FSTL5: variants seen among roughly 807,000 people sequenced by gnomAD.
FSTL5 encodes follistatin like 5, also known as follistatin-related protein 5.
In FSTL5, 62 loss-of-function variants were observed where a neutral mutation model predicts 89.1. The observed-to-expected ratio is 0.70, with a 90% confidence interval of 0.57 to 0.86. The LOEUF is 0.86. Ranked by LOEUF, FSTL5 falls within the 40% of genes least tolerant of loss-of-function variation. The pLI is 0.00. For missense variants in FSTL5, 1,057 were observed against 1,001.6 expected (o/e 1.06, Z -0.75); for synonymous variants, 383 against 346.2 (o/e 1.11, Z -1.18).
chr4:162,106,784 A>G (rs954251314), intron 2 of FSTL5, among the ~76,000 whole-genome samples: 3 of 152,202 alleles, frequency 2.0e-5, no homozygotes, highest in Non-Finnish European at 4.4e-5. Flanking sequence ...CCAAATCTCA[A>G]TGATGTACAA....
chr4:161,718,203 A>G (rs892796704), intron 6 of FSTL5, among the ~76,000 whole-genome samples: 2 of 152,180 alleles, frequency 1.3e-5, no homozygotes, highest in African/African-American at 4.8e-5. Context: ...AGAAATTGGA[A>G]ATGAACTTCA....
In FSTL5 at chr4:161,542,555, A is replaced by C. The variant is rs1199612619; in HGVS notation, c.1154T>G (p.Leu385Arg). The C allele has an allele frequency of 2.6e-6, 4 of 1,513,054 alleles. No homozygotes were observed. The African/African-American group carries it at 5.6e-5, about 21-fold the overall frequency. The allele number at this position is 1,513,054 out of a possible 1,614,324, so 93.7% of individuals were successfully genotyped here. A position where few individuals can be genotyped will look rare whatever the true frequency, so the allele number is the denominator to read the frequency against. The change falls in exon 9 of 16, where the codon CTT (leucine) becomes CGT (arginine). Residue 385 changes from leucine (L) to arginine (R), a missense_variant. By Grantham distance (102) the Leu-to-Arg change is moderately radical. Coordinates refer to ENST00000306100, the MANE Select transcript of FSTL5 (RefSeq NM_020116.5). ...LKNGIDITPK[L>R]SKQLTLQANG... is the part of the protein sequence containing the mutation. ...ACCTTGAAGCGTGAGTTGTTTGGAAAGCTTTGGTGTAATATCAATTCCATT... is the reference window on the plus strand; with the variant it reads ...ACCTTGAAGCGTGAGTTGTTTGGAACGCTTTGGTGTAATATCAATTCCATT...
intron 15 of FSTL5, among the ~76,000 whole-genome samples, chr4:161,411,515 A>T (rs562101801): frequency 2.2e-4 from 33 of 152,366 alleles, no homozygotes; most frequent in Non-Finnish European, 2.5e-4. Flanking sequence ...TATTCCTGGC[A>T]TGCAGGGCTA....
intron 6 of FSTL5, among the ~76,000 whole-genome samples, chr4:161,754,273 G>T (rs1331664916): frequency 6.6e-6 from 1 of 151,916 alleles, no homozygotes; most frequent in African/African-American, 2.4e-5. Context: ...TGCTAGAAAC[G>T]TACCTTCTTT....
intron 15 of FSTL5, among the ~76,000 whole-genome samples, chr4:161,394,905 C>T (rs1200044849): frequency 6.6e-6 from 1 of 152,050 alleles, no homozygotes; most frequent in East Asian, 1.9e-4. Context: ...GCATTTTAGC[C>T]TTTGACTCCT....
intron 13 of FSTL5, among the ~76,000 whole-genome samples, chr4:161,480,193 G>A (rs558229707): frequency 2.0e-5 from 3 of 152,076 alleles, no homozygotes; most frequent in South Asian, 2.1e-4. Context: ...CACATGCCAG[G>A]GTCTACTATA....
chr4:161,693,271 T>C (rs1738015990), intron 6 of FSTL5, among the ~76,000 whole-genome samples: 4 of 152,228 alleles, frequency 2.6e-5, no homozygotes, highest in African/African-American at 9.6e-5. Flanking sequence ...GTCTGTTCTT[T>C]TGATATCTTT....
At chr4:161,707,925 A>G (rs1219374255) in intron 6 of FSTL5, among the ~76,000 whole-genome samples, 1 of 151,548 alleles carries the variant, frequency 6.6e-6, no homozygotes, top group Admixed American at 6.6e-5. Context: ...ATTAAGAGAT[A>G]CTCATTTTCC....
At chr4:161,830,778 A>G (rs1730819310) in intron 4 of FSTL5, among the ~76,000 whole-genome samples, 1 of 152,002 alleles carries the variant, frequency 6.6e-6, no homozygotes, top group Admixed American at 6.6e-5. Flanking sequence ...TTGCAGCAAA[A>G]CAAAAAATAT....
intron 4 of FSTL5, among the ~76,000 whole-genome samples, chr4:161,783,551 G>A (rs1452546871): frequency 6.7e-6 from 1 of 149,822 alleles, no homozygotes; most frequent in Non-Finnish European, 1.5e-5. Flanking sequence ...CATTATGTCT[G>A]CTTTCTTTCT....
chr4:161,588,492 AAAAG>A (rs1403087046), intron 7 of FSTL5, among the ~76,000 whole-genome samples: 1 of 152,152 alleles, frequency 6.6e-6, no homozygotes, highest in African/African-American at 2.4e-5. Flanking sequence ...ATTTTGAAAA[AAAAG>A]AAAGGAAGAA....
intron 7 of FSTL5, among the ~76,000 whole-genome samples, chr4:161,653,874 A>G (rs1224993524): frequency 6.6e-6 from 1 of 152,166 alleles, no homozygotes; most frequent in East Asian, 1.9e-4. Flanking sequence ...CTGCTATTTT[A>G]ATTTTGAGAA....
At chr4:162,018,922 T>A (rs1736993394) in intron 3 of FSTL5, among the ~76,000 whole-genome samples, 1 of 152,164 alleles carries the variant, frequency 6.6e-6, no homozygotes. Flanking sequence ...GATGTCTGAA[T>A]TGTCCATATA....
intron 7 of FSTL5, among the ~76,000 whole-genome samples, chr4:161,646,020 T>C (rs1020987898): frequency 6.6e-6 from 1 of 151,642 alleles, no homozygotes; most frequent in Non-Finnish European, 1.5e-5. Context: ...ATACACTCTA[T>C]ATTAAAAAAT....
At chr4:162,122,830 CGTAGT>C (rs542362368) in intron 1 of FSTL5, among the ~76,000 whole-genome samples, 296 of 152,084 alleles carry the variant, frequency 1.9e-3, no homozygotes, top group African/African-American at 6.8e-3. Context: ...CCTAAGTTTG[CGTAGT>C]GTAATGTGGA....
intron 1 of FSTL5, among the ~76,000 whole-genome samples, chr4:162,144,735 G>A (rs1732902556): frequency 6.6e-6 from 1 of 151,876 alleles, no homozygotes; most frequent in Non-Finnish European, 1.5e-5. Flanking sequence ...AAGAGAATTA[G>A]GTGAAATATG....
chr4:161,921,978 AT>A (rs1734006385), intron 3 of FSTL5, among the ~76,000 whole-genome samples: 1 of 152,070 alleles, frequency 6.6e-6, no homozygotes, highest in Admixed American at 6.6e-5. Context: ...TAAGTAATCA[AT>A]TTTGTTCTTT....
At position 161,502,790 on chromosome 4, in the gene FSTL5, T is replaced by C. The variant is rs139244686; in HGVS notation, c.1340-2656A>G. Among the ~76,000 whole-genome samples the C allele has an allele frequency of 1.4e-3, 216 of 151,914 alleles. 2 individuals are homozygous for C. Among genetic ancestry groups the C allele is most frequent in the African/African-American group, 5.1e-3 (213 of 41,534 alleles). On this transcript the variant is annotated intron_variant, in intron 11 of 15. Transcript: ENST00000306100. ...TCTCTTTCAATTTGCTGCTTTGATATTGTGCACATATAAATTTATTAAGAT... is the reference window on the plus strand; with the variant it reads ...TCTCTTTCAATTTGCTGCTTTGATACTGTGCACATATAAATTTATTAAGAT...
At chr4:161,614,785 G>C (rs1380547960) in intron 7 of FSTL5, among the ~76,000 whole-genome samples, 1 of 151,908 alleles carries the variant, frequency 6.6e-6, no homozygotes, top group Non-Finnish European at 1.5e-5. Context: ...ACTATACAAA[G>C]CATTGTAATT....
Sources: gnomAD v4.1 joint callset for allele counts (sites outside exome capture counted in the v4.1 genomes callset) on GRCh38, gnomAD v4.1.1 for gene constraint, MANE v1.5 for transcripts, NCBI Gene and HGNC (gene_info 2026-07-23, HGNC 2026-07-21) for gene names.